Variants in LOC400499 observed in about 807,000 individuals in gnomAD.
chr16:11,489,855 G>A, the LOC400499 span, among the ~76,000 whole-genome samples: 4 of 152,194 alleles, frequency 2.6e-5, no homozygotes, highest in Admixed American at 2.0e-4. Context: ...CCTTTACCAT[G>A]GCAACTTATC....
At chr16:11,416,021 T>C in the LOC400499 span, among the ~76,000 whole-genome samples, 13 of 151,780 alleles carry the variant, frequency 8.6e-5, no homozygotes, top group East Asian at 2.5e-3. Flanking sequence ...TGTGGCGTGA[T>C]CTCGGCTCAC....
At chr16:11,450,864 G>A in the LOC400499 span, 65 of 1,497,966 alleles carry the variant, frequency 4.3e-5, no homozygotes, top group Admixed American at 1.3e-3. Context: ...GGGGTAGAGA[G>A]GAAGCTTCTA....
At chr16:11,509,090 C>T in the LOC400499 span, among the ~76,000 whole-genome samples, 2 of 151,308 alleles carry the variant, frequency 1.3e-5, no homozygotes, top group Non-Finnish European at 2.9e-5. Context: ...GGGCCACTCA[C>T]ATCAGGGAAC....
the LOC400499 span, among the ~76,000 whole-genome samples, chr16:11,435,208 G>A: frequency 6.6e-6 from 1 of 151,976 alleles, no homozygotes; most frequent in East Asian, 1.9e-4. Flanking sequence ...GAATTCCTGA[G>A]CTCAAGCAAT....
chr16:11,523,964 C>T, the LOC400499 span, among the ~76,000 whole-genome samples: 3 of 131,628 alleles, frequency 2.3e-5, no homozygotes, highest in Admixed American at 7.6e-5. Flanking sequence ...CACCCACCCG[C>T]TCCCCTCTCC....
chr16:11,491,060 A>G, the LOC400499 span, among the ~76,000 whole-genome samples: 163 of 152,294 alleles, frequency 1.1e-3, 1 homozygote, highest in African/African-American at 3.7e-3. Context: ...TATGCTCACA[A>G]CACTCTATGA....
chr16:11,503,506 T>C, the LOC400499 span, among the ~76,000 whole-genome samples: 5,367 of 152,136 alleles, frequency 0.035, 133 homozygotes, highest in Non-Finnish European at 0.051. Flanking sequence ...CCCCATACTT[T>C]CCCCAGGCTT....
At chr16:11,515,888 C>CCCCCCCCCCCCCCCCCCA in the LOC400499 span, 1 of 39,210 alleles carries the variant, frequency 2.6e-5, no homozygotes. Context: ...CCAGCCCAGC[C>CCCCCCCCCCCCCCCCCCA]CAGCCTAGCC....
At chr16:11,475,218 GC>G in the LOC400499 span, among the ~76,000 whole-genome samples, 30 of 152,164 alleles carry the variant, frequency 2.0e-4, no homozygotes, top group African/African-American at 7.0e-4. Context: ...TGCATGCGGG[GC>G]TTGTAACCTA....
chr16:11,515,375 G>C, the LOC400499 span, among the ~76,000 whole-genome samples: 1 of 152,022 alleles, frequency 6.6e-6, no homozygotes, highest in Non-Finnish European at 1.5e-5. Flanking sequence ...AGGATCGCTT[G>C]AGGCCAGGAG....
At chr16:11,387,055 C>T in the LOC400499 span, 1 of 1,215,352 alleles carries the variant, frequency 8.2e-7, no homozygotes, top group Non-Finnish European at 1.0e-6. Flanking sequence ...TTCCCTGTGC[C>T]CAGGAGGCAG....
At chr16:11,410,285 C>G in the LOC400499 span, among the ~76,000 whole-genome samples, 1 of 152,242 alleles carries the variant, frequency 6.6e-6, no homozygotes, top group South Asian at 2.1e-4. Context: ...GAAACCCTGT[C>G]TCTACCAAAA....
the LOC400499 span, among the ~76,000 whole-genome samples, chr16:11,386,272 G>A: frequency 2.6e-5 from 4 of 152,146 alleles, no homozygotes; most frequent in Non-Finnish European, 4.4e-5. Context: ...GCCCTTGCCC[G>A]TGGCCAGGAA....
the LOC400499 span, chr16:11,399,073 G>A: frequency 2.7e-6 from 1 of 368,598 alleles, no homozygotes; most frequent in Non-Finnish European, 3.8e-6. Context: ...CCTGGTTCCT[G>A]CCCCAAGCTC....
the LOC400499 span, chr16:11,393,708 G>A: frequency 1.5e-5 from 8 of 550,402 alleles, no homozygotes; most frequent in East Asian, 3.5e-5. Context: ...GCCCACGCCC[G>A]ATCTCCAGGG....
chr16:11,499,660 T>C, the LOC400499 span, among the ~76,000 whole-genome samples: 54 of 152,210 alleles, frequency 3.5e-4, no homozygotes, highest in African/African-American at 1.2e-3. Context: ...CTCCAGGGGC[T>C]CTCAGATCCT....
At chr16:11,423,634 A>T in the LOC400499 span, among the ~76,000 whole-genome samples, 1 of 152,190 alleles carries the variant, frequency 6.6e-6, no homozygotes, top group African/African-American at 2.4e-5. Context: ...GCTCACTCAC[A>T]TTCCCTCTCC....
the LOC400499 span, among the ~76,000 whole-genome samples, chr16:11,381,578 A>G: frequency 1.4e-4 from 21 of 152,230 alleles, no homozygotes; most frequent in African/African-American, 4.8e-4. Context: ...CTGCCTCTGT[A>G]GCAGGAAAGC....
chr16:11,477,095 G>A, the LOC400499 span: 1 of 398,802 alleles, frequency 2.5e-6, no homozygotes, highest in Non-Finnish European at 4.4e-6. Context: ...CATGCGCCAA[G>A]CACTTTCCAG....
Sources: gnomAD v4.1 joint callset for allele counts (sites outside exome capture counted in the v4.1 genomes callset) on GRCh38, gnomAD v4.1.1 for gene constraint, MANE v1.5 for transcripts.